The following GRIP1 variants were observed in gnomAD, a reference collection of about 807,000 sequenced individuals.
GRIP1 encodes the protein glutamate receptor interacting protein 1.
GRIP1 carries 45 observed loss-of-function variants against 129.9 expected under a neutral mutation model. The observed-to-expected ratio is 0.35, with a 90% confidence interval of 0.27 to 0.44. GRIP1 has a LOEUF of 0.44. GRIP1 is among the 20% of genes least tolerant of loss of function. The pLI is 1.00. For synonymous variants in GRIP1, 530 were observed against 520.8 expected (o/e 1.02, Z -0.24); for missense variants, 1,196 against 1,396.8 (o/e 0.86, Z 2.29).
chr12:66,571,421 T>C (rs929831808), intron 2 of GRIP1, among the ~76,000 whole-genome samples: 1 of 152,222 alleles, frequency 6.6e-6, no homozygotes, highest in Non-Finnish European at 1.5e-5. Context: ...TATAAGAACA[T>C]ATTTTTCTCA....
At chr12:67,065,823 T>G (rs2043614949) in intron 1 of GRIP1, among the ~76,000 whole-genome samples, 1 of 152,224 alleles carries the variant, frequency 6.6e-6, no homozygotes. Context: ...TTATTACACA[T>G]GATCAGCTAA....
chr12:66,830,016 C>T (rs1319142613), intron 1 of GRIP1, among the ~76,000 whole-genome samples: 1 of 152,170 alleles, frequency 6.6e-6, no homozygotes, highest in African/African-American at 2.4e-5. Context: ...TTTCCACATA[C>T]CATGCTGCAG....
intron 1 of GRIP1, among the ~76,000 whole-genome samples, chr12:66,869,584 T>G (rs2040261894): frequency 6.6e-6 from 1 of 152,102 alleles, no homozygotes; most frequent in Non-Finnish European, 1.5e-5. Context: ...TGGGTAAGTG[T>G]CAAGGTGATG....
chr12:66,544,195 C>A (rs2061874345), intron 2 of GRIP1, among the ~76,000 whole-genome samples: 1 of 152,100 alleles, frequency 6.6e-6, no homozygotes, highest in African/African-American at 2.4e-5. Context: ...TTGTCAATTA[C>A]CCTATCATTT....
chr12:66,660,491 T>C (rs1007244669), intron 1 of GRIP1, among the ~76,000 whole-genome samples: 1 of 152,136 alleles, frequency 6.6e-6, no homozygotes, highest in Non-Finnish European at 1.5e-5. Context: ...AAGTATCAAT[T>C]AGTTATTATT....
chr12:66,512,974 T>C (rs1051539359), intron 7 of GRIP1, among the ~76,000 whole-genome samples: 8 of 152,172 alleles, frequency 5.3e-5, no homozygotes, highest in Admixed American at 3.9e-4. Flanking sequence ...TAGTTATTTA[T>C]AATAGCAATC....
At chr12:66,555,981 A>G (rs11176260) in intron 2 of GRIP1, among the ~76,000 whole-genome samples, 19,368 of 152,184 alleles carry the variant, frequency 0.13, 1,292 homozygotes, top group East Asian at 0.19. Context: ...ATGTAGAGAC[A>G]GATAGGGATG....
chr12:66,690,551 A>G (rs1185384550), intron 1 of GRIP1, among the ~76,000 whole-genome samples: 1 of 151,574 alleles, frequency 6.6e-6, no homozygotes, highest in Non-Finnish European at 1.5e-5. Context: ...AAGTGGGATT[A>G]CTGGATTGTT....
At chr12:66,787,080 T>C (rs1267038880) in intron 1 of GRIP1, among the ~76,000 whole-genome samples, 2 of 152,170 alleles carry the variant, frequency 1.3e-5, no homozygotes, top group Non-Finnish European at 2.9e-5. Flanking sequence ...ACAAGTAACC[T>C]TGGATACCTA....
chr12:66,843,784 C>A (rs1485317547), intron 1 of GRIP1, among the ~76,000 whole-genome samples: 1 of 146,686 alleles, frequency 6.8e-6, no homozygotes, highest in African/African-American at 2.4e-5. Context: ...TTACCTTACA[C>A]CATATATAAA....
At chr12:67,000,609 G>A (rs553089610) in intron 1 of GRIP1, among the ~76,000 whole-genome samples, 1 of 152,308 alleles carries the variant, frequency 6.6e-6, no homozygotes, top group South Asian at 2.1e-4. Flanking sequence ...ACCTGCAGCA[G>A]TTCTAGTAAA....
At chr12:67,064,585 C>T (rs2043589310) in intron 1 of GRIP1, among the ~76,000 whole-genome samples, 1 of 152,148 alleles carries the variant, frequency 6.6e-6, no homozygotes, top group Non-Finnish European at 1.5e-5. Context: ...TTCTCTTTTA[C>T]CTACTTTGTT....
At chr12:66,592,295 C>A (rs2063876370) in intron 2 of GRIP1, among the ~76,000 whole-genome samples, 1 of 152,192 alleles carries the variant, frequency 6.6e-6, no homozygotes, top group African/African-American at 2.4e-5. Flanking sequence ...TCTTGGGCTA[C>A]TGGACATTTT....
At chr12:66,562,884 T>C (rs1479954101) in intron 2 of GRIP1, among the ~76,000 whole-genome samples, 1 of 67,930 alleles carries the variant, frequency 1.5e-5, no homozygotes, top group African/African-American at 9.6e-5. Context: ...ACTATATTCT[T>C]ATAATAAAAG....
chr12:66,881,908 T>C (rs761355465), intron 1 of GRIP1, among the ~76,000 whole-genome samples: 20 of 152,244 alleles, frequency 1.3e-4, no homozygotes, highest in South Asian at 2.1e-4. Context: ...AGAGGTTTAA[T>C]AGAATGCCTG....
At chr12:66,750,128 T>C (rs113337173) in intron 1 of GRIP1, among the ~76,000 whole-genome samples, 8 of 152,318 alleles carry the variant, frequency 5.3e-5, no homozygotes, top group African/African-American at 1.7e-4. Context: ...GAGCAGAGAT[T>C]ATATCAGCTT....
chr12:66,661,535 G>C (rs10878489), intron 1 of GRIP1, among the ~76,000 whole-genome samples: 59,183 of 150,572 alleles, frequency 0.39, 12,160 homozygotes, highest in Non-Finnish European at 0.46. Flanking sequence ...TTTGACTTGG[G>C]GGAAGTCCTG....
intron 1 of GRIP1, among the ~76,000 whole-genome samples, chr12:66,637,015 G>A (rs11176344): frequency 0.2 from 29,985 of 152,026 alleles, 3,091 homozygotes; most frequent in Non-Finnish European, 0.23. Context: ...ACACAGAACA[G>A]TCTGGCCTGG....
intron 1 of GRIP1, among the ~76,000 whole-genome samples, chr12:66,876,826 T>C (rs1196245465): frequency 6.6e-6 from 1 of 152,024 alleles, no homozygotes; most frequent in Non-Finnish European, 1.5e-5. Flanking sequence ...GTGGAACAAT[T>C]CCATCAAAGG....
Sources: gnomAD v4.1 joint callset for allele counts (sites outside exome capture counted in the v4.1 genomes callset) on GRCh38, gnomAD v4.1.1 for gene constraint, MANE v1.5 for transcripts, NCBI Gene and HGNC (gene_info 2026-07-23, HGNC 2026-07-21) for gene names.